The following SLX4 variants were observed in gnomAD, a reference collection of about 807,000 sequenced individuals.
SLX4 encodes the protein structure-specific endonuclease subunit SLX4.
Under a neutral mutation model 146.2 loss-of-function variants are expected in SLX4, and 112 were observed. That is an observed-to-expected ratio of 0.77 (90% CI 0.66 to 0.90). The LOEUF (loss-of-function observed/expected upper bound fraction) is 0.90, where lower values mean the gene tolerates loss of function less well. Among genes scored for constraint, SLX4 ranks in the 40% least tolerant of loss-of-function variants. SLX4 has a pLI of 0.00. For synonymous variants in SLX4, 1,061 were observed against 997.7 expected, an observed-to-expected ratio of 1.06 and a Z score of -1.20; for missense variants, 2,563 against 2,392.7, an observed-to-expected ratio of 1.07 and a Z score of -1.49.
At chr16:3,582,891 G>C (rs2040457126) in intron 14 of SLX4, among the ~76,000 whole-genome samples, 198 bp from the exon 15 acceptor site, 1 of 152,202 alleles carries the variant, frequency 6.6e-6, no homozygotes. Flanking sequence ...GAAATGTCTA[G>C]CATGTGGGGC....
Position 3,584,682 on chromosome 16 carries a change from G to T in SLX4, c.4739+87C>A, listed in dbSNP as rs1304909704. ...CACCAGACCCAGAGACCACACGGGG[G>T]GCCCTTCCGCCCCCAGGTGTGTGAA... On this transcript the variant is annotated intron_variant, in intron 13 of 14. Transcript: ENST00000294008. 1.5e-5 allele frequency: 16 copies of T among 1,039,860 alleles called. No homozygotes were observed. The Admixed American group carries it at 2.7e-4, about 18-fold the overall frequency. The allele number at this position is 1,039,860 out of a possible 1,614,324, so 64.4% of individuals were successfully genotyped here.
chr16:3,582,985 A>T, intron 14 of SLX4, 112 bp downstream of exon 14: 1 of 1,394,640 alleles, frequency 7.2e-7, no homozygotes, highest in Non-Finnish European at 1.0e-6. Flanking sequence ...CAAACCCAGA[A>T]GGTGACGGGG....
chr16:3,582,370 C>A lies in SLX4; in HGVS notation c.5477G>T (p.Arg1826Leu). Residue 1826 changes from arginine to leucine, a missense_variant, in exon 15 of 15, where the codon CGG becomes CTG. Transcript: ENST00000294008. ...GTTCCGCTCCACCTTCTTCTTGCCC[C>A]GAGGCTGCCGCCTCCTGCCCTGGAG... Reference protein sequence around the residue: ...EKLQGRRRQPRGKKKVERN With the variant: ...EKLQGRRRQPLGKKKVERN 6.2e-7 allele frequency: 1 copy of A among 1,613,146 alleles called. No homozygotes were observed. The highest frequency in any genetic ancestry group is 1.8e-4 in the Middle Eastern group (1 of 5,560).
At chr16:3,607,758 A>G (rs958846192) in intron 2 of SLX4, among the ~76,000 whole-genome samples, 1 of 152,224 alleles carries the variant, frequency 6.6e-6, no homozygotes, top group Non-Finnish European at 1.5e-5. Context: ...AGAGAGAAAG[A>G]AAGAACCTGA....
Position 3,589,378 on chromosome 16 carries a change from T to G in SLX4, c.4260A>C (p.Pro1420=), listed in dbSNP as rs2040547850. ...GCCAGCAGCAGTCGTCAATTGGAAT[T>G]GGGGGGTCACTGTCCAGTGGGGGGC... ...NRSPPLDSDP[P]IPIDDCCWHM... Residue 1420 remains proline (P), a synonymous_variant, in exon 12 of 15, where the codon CCA becomes CCC. Coordinates refer to ENST00000294008, the MANE Select transcript of SLX4 (RefSeq NM_032444.4). The surrounding 1 kb of genome is among the most constrained non-coding windows in gnomAD (Gnocchi z 6.2). The G allele has an allele frequency of 1.7e-5, 27 of 1,590,782 alleles. No homozygotes were observed. Among genetic ancestry groups the G allele is most frequent in the Non-Finnish European group, 2.3e-5 (27 of 1,165,546 alleles).
intron 8 of SLX4, among the ~76,000 whole-genome samples, 198 bp from the exon 9 acceptor site, chr16:3,595,891 AACAG>A (rs1277444625): frequency 2.0e-5 from 3 of 152,208 alleles, no homozygotes; most frequent in African/African-American, 7.2e-5. Context: ...AGAAGAGCAA[AACAG>A]ACAGTTCACC....
chr16:3,583,488 T>TA lies in SLX4; in HGVS notation c.4761dup (p.Lys1588Ter), dbSNP rs1434637223. 21 of 1,614,070 alleles carry TA rather than the reference T, an allele frequency of 1.3e-5. No individual in the cohort carries two copies. The highest frequency in any genetic ancestry group is 1.7e-5 in the Non-Finnish European group (20 of 1,180,058). Reference sequence around the variant, plus strand: ...TTCAGCTTCAGAACCATCTGGCGTTTAGGCAGAGGGCGGACTCCAAACCTG... The same window carrying TA: ...TTCAGCTTCAGAACCATCTGGCGTTTAAGGCAGAGGGCGGACTCCAAACCTG... On this transcript the variant is annotated frameshift_variant, in exon 14 of 15. Transcript: ENST00000294008. LOFTEE classifies it high-confidence loss of function.
chr16:3,594,100 C>G (rs911117572), intron 10 of SLX4, among the ~76,000 whole-genome samples: 2 of 152,116 alleles, frequency 1.3e-5, no homozygotes, highest in South Asian at 4.1e-4. Flanking sequence ...ATCTCCTGAC[C>G]TTGTGATCTG....
chr16:3,598,393 GC>G (rs1288084151), intron 5 of SLX4, among the ~76,000 whole-genome samples: 1 of 152,174 alleles, frequency 6.6e-6, no homozygotes, highest in Non-Finnish European at 1.5e-5. Context: ...CACGGTCCTG[GC>G]CACACCGGCA....
In SLX4 at chr16:3,596,416, G is replaced by C. The variant is rs755889391; in HGVS notation, c.1684-23C>G. Reference sequence around the variant, plus strand: ...GCCCTGAAAGAAGCCAGTAAGGAGAGTGACCACGTGGTCACTGTCATTGAC... The same window carrying C: ...GCCCTGAAAGAAGCCAGTAAGGAGACTGACCACGTGGTCACTGTCATTGAC... On this transcript the variant is annotated intron_variant, in intron 7 of 14. Coordinates refer to ENST00000294008, the MANE Select transcript of SLX4 (RefSeq NM_032444.4). 2.5e-6 allele frequency: 4 copies of C among 1,574,400 alleles called. No homozygotes were observed. In the Admixed American group the frequency reaches 5.3e-5, roughly 21 times the overall value.
At chr16:3,585,541 A>C (rs1405254377) in intron 12 of SLX4, among the ~76,000 whole-genome samples, 4 of 147,262 alleles carry the variant, frequency 2.7e-5, no homozygotes, top group Non-Finnish European at 4.5e-5. Flanking sequence ...AGCCGAGATC[A>C]CACCACTGCA....
In SLX4 at chr16:3,582,198, C is replaced by T. The variant is rs1221083748; in HGVS notation, c.*144G>A. 5 of 675,378 alleles carry T rather than the reference C, an allele frequency of 7.4e-6. No individual in the cohort carries two copies. Among genetic ancestry groups the T allele is most frequent in the South Asian group, 7.3e-5 (4 of 54,694 alleles). 41.8% of individuals were successfully genotyped at this position (675,378 alleles called of 1,614,324 possible). A position where few individuals can be genotyped will look rare whatever the true frequency, so the allele number is the denominator to read the frequency against. ...AAGCCCTGGATTGGGCTGTGGTCATCATCACAGCGCAGAGCTGATGTGGTC... is the reference window on the plus strand; with the variant it reads ...AAGCCCTGGATTGGGCTGTGGTCATTATCACAGCGCAGAGCTGATGTGGTC... On this transcript the variant is annotated 3_prime_UTR_variant, in exon 15 of 15. Coordinates refer to ENST00000294008, the MANE Select transcript of SLX4 (RefSeq NM_032444.4).
rs1380547875 is a variant in SLX4, at chr16:3,581,208, C to A, written c.*1134G>T. 1.3e-5 allele frequency: 2 copies of A among 152,634 alleles called. No individual in the cohort carries two copies. Among genetic ancestry groups the A allele is most frequent in the Non-Finnish European group, 2.9e-5 (2 of 68,032 alleles). 9.5% of individuals were successfully genotyped at this position (152,634 alleles called of 1,614,324 possible). Reference sequence around the variant, plus strand: ...TTAATAAAGCCTTTTTGGTTTATTGCACATCATATAAAACTGACTGCACTG... The same window carrying A: ...TTAATAAAGCCTTTTTGGTTTATTGAACATCATATAAAACTGACTGCACTG... On this transcript the variant is annotated 3_prime_UTR_variant, in exon 15 of 15. Transcript: ENST00000294008.
chr16:3,606,479 C>T lies in SLX4; in HGVS notation c.755G>A (p.Gly252Glu), dbSNP rs1060501795. Residue 252 changes from glycine to glutamate, a missense_variant, in exon 3 of 15, where the codon GGG becomes GAG. Coordinates refer to ENST00000294008, the MANE Select transcript of SLX4 (RefSeq NM_032444.4). ...CAGAAACACACTCATCATACCATTC[C>T]CCGCCATCATCTCCTCTTGAGGATC... Reference protein sequence around the residue: ...PKDPQEEMMAGNVYGLGPPAP... With the variant: ...PKDPQEEMMAENVYGLGPPAP... 1.9e-6 allele frequency: 3 copies of T among 1,614,038 alleles called. No individual in the cohort carries two copies. Among genetic ancestry groups the T allele is most frequent in the Admixed American group, 1.7e-5 (1 of 59,994 alleles).
At position 3,582,642 on chromosome 16, in the gene SLX4, C is replaced by T; in HGVS notation, c.5205G>A (p.Glu1735=). 3 of 1,613,434 alleles carry T rather than the reference C, an allele frequency of 1.9e-6. No individual in the cohort carries two copies. The highest frequency in any genetic ancestry group is 2.5e-6 in the Non-Finnish European group (3 of 1,180,018). ...GCGAGGCACTGACCTCCCCCTCGCCCTCCTCTTCACCTGCAGACTCAAATG... is the reference window on the plus strand; with the variant it reads ...GCGAGGCACTGACCTCCCCCTCGCCTTCCTCTTCACCTGCAGACTCAAATG... ...GAAFESAGEE[E]GEGEVSASQA... The change falls in exon 15 of 15, where the codon GAG becomes GAA. Residue 1735 remains glutamate, a synonymous_variant. Transcript: ENST00000294008.
intron 5 of SLX4, among the ~76,000 whole-genome samples, chr16:3,599,078 C>T (rs1040765868): frequency 1.3e-5 from 2 of 152,216 alleles, no homozygotes; most frequent in African/African-American, 4.8e-5. Flanking sequence ...TAAAGGCAGA[C>T]ATACTTTATC....
At chr16:3,585,387 C>A (rs2040495979) in intron 12 of SLX4, among the ~76,000 whole-genome samples, 1 of 152,060 alleles carries the variant, frequency 6.6e-6, no homozygotes, top group Non-Finnish European at 1.5e-5. Context: ...GAGATCGAGA[C>A]CATCCTGGCT....
intron 9 of SLX4, 119 bp from the exon 10 acceptor site, chr16:3,594,718 C>A: frequency 7.5e-7 from 1 of 1,327,324 alleles, no homozygotes; most frequent in Non-Finnish European, 1.1e-6. Context: ...GACCTGCATT[C>A]TCCTTTCCTC....
At chr16:3,591,628 G>T (rs1485339544) in intron 11 of SLX4, among the ~76,000 whole-genome samples, 1 of 152,196 alleles carries the variant, frequency 6.6e-6, no homozygotes, top group Admixed American at 6.6e-5. Context: ...TGCCTCAGAG[G>T]CTCTTAAGAT....
Sources: gnomAD v4.1 joint callset for allele counts (sites outside exome capture counted in the v4.1 genomes callset) on GRCh38, gnomAD v4.1.1 for gene constraint, Gnocchi (gnomAD v3.1) non-coding constraint, MANE v1.5 for transcripts, NCBI Gene and HGNC (gene_info 2026-07-23, HGNC 2026-07-21) for gene names.